Variants in SPTB observed in about 807,000 individuals in gnomAD.
SPTB encodes the protein spectrin beta chain, erythrocytic.
SPTB carries 45 observed loss-of-function variants against 256.2 expected under a neutral mutation model. The observed-to-expected ratio is 0.18, with a 90% CI of 0.14 to 0.23. SPTB has a LOEUF of 0.23. Ranked by LOEUF, SPTB falls within the 10% of genes least tolerant of loss-of-function variation. The probability of loss-of-function intolerance (pLI) is 1.00; values close to 1 mark genes in which losing one functional copy is unlikely to be tolerated. For missense variants in SPTB, 2,715 were observed against 3,040.4 expected (o/e 0.89, Z 2.52); for synonymous variants, 1,231 against 1,243.1 (o/e 0.99, Z 0.21).
intron 1 of SPTB, among the ~76,000 whole-genome samples, chr14:64,868,026 G>C (rs1284997757): frequency 6.6e-6 from 1 of 152,172 alleles, no homozygotes; most frequent in East Asian, 1.9e-4. Context: ...AATAAAGCTA[G>C]GAAGAGAGGT....
At chr14:64,753,879 C>G (rs2081986385) in intron 32 of SPTB, 86 bp from the exon 33 acceptor site, 1 of 1,538,672 alleles carries the variant, frequency 6.5e-7, no homozygotes, top group African/African-American at 1.4e-5. Context: ...AGGTCAGCAG[C>G]CACCCTCTCC....
rs2082898193 is a variant in SPTB, at chr14:64,802,120, C to T, written c.566+106G>A. ...CTTTGCATCAATTACAGGGAGGCAG[C>T]TGTAGTTCTGGGTGATGATGTCTAA... On this transcript the variant is annotated intron_variant, in intron 5 of 35. Coordinates refer to ENST00000644917, the MANE Select transcript of SPTB (RefSeq NM_001355436.2). This position sits in a 1 kb window ranked among gnomAD's most constrained non-coding sequence, Gnocchi z 5.1. 9.2e-7 allele frequency: 1 copy of T among 1,082,626 alleles called. No individual in the cohort carries two copies. The highest frequency in any genetic ancestry group is 1.9e-5 in the Admixed American group (1 of 52,804). 67.1% of individuals were successfully genotyped at this position (1,082,626 alleles called of 1,614,324 possible).
At position 64,758,246 on chromosome 14, in the gene SPTB, T is replaced by A. The variant is rs2082043674; in HGVS notation, c.6346-4453A>T. 6.6e-6 allele frequency among the ~76,000 whole-genome samples: 1 copy of A among 152,240 alleles called. No homozygotes were observed. Among genetic ancestry groups the A allele is most frequent in the African/African-American group, 2.4e-5 (1 of 41,528 alleles). On this transcript the variant is annotated intron_variant, in intron 32 of 35. Transcript: ENST00000644917. The surrounding 1 kb of genome is among the most constrained non-coding windows in gnomAD (Gnocchi z 4.6). ...CTCAAAAACCCTCTTGTTCCTGGAGTAGCAGATGCTCAGGACTGAGAAATG... is the reference window on the plus strand; with the variant it reads ...CTCAAAAACCCTCTTGTTCCTGGAGAAGCAGATGCTCAGGACTGAGAAATG...
intron 19 of SPTB, among the ~76,000 whole-genome samples, chr14:64,783,026 C>A (rs2082499137): frequency 6.6e-6 from 1 of 152,076 alleles, no homozygotes; most frequent in Non-Finnish European, 1.5e-5. Flanking sequence ...CCAGACCCAT[C>A]CAGGTACAGT....
Position 64,785,993 on chromosome 14 carries a change from A to G in SPTB, c.3562-42T>C, listed in dbSNP as rs1329724500. ...CCAGACAAGGCATGAAGACACACGGAGGAGGTGATGAGCACACCTCCCAAG... is the reference window on the plus strand; with the variant it reads ...CCAGACAAGGCATGAAGACACACGGGGGAGGTGATGAGCACACCTCCCAAG... On this transcript the variant is annotated intron_variant, in intron 16 of 35. Transcript: ENST00000644917. The surrounding 1 kb of genome is among the most constrained non-coding windows in gnomAD (Gnocchi z 4.4). 1.2e-6 allele frequency: 2 copies of G among 1,604,652 alleles called. No homozygotes were observed. The highest frequency in any genetic ancestry group is 4.5e-5 in the East Asian group (2 of 44,796).
At chr14:64,756,787 G>C (rs2082022566) in intron 32 of SPTB, 1 of 152,206 alleles carries the variant, frequency 6.6e-6, no homozygotes, top group African/African-American at 2.4e-5. Context: ...TCTTTATGGT[G>C]TTCATCTTTT....
At chr14:64,781,932 G>A (rs558774852) in intron 20 of SPTB, among the ~76,000 whole-genome samples, 1 of 152,334 alleles carries the variant, frequency 6.6e-6, no homozygotes, top group South Asian at 2.1e-4. Context: ...GATGGAGCTG[G>A]AGGCCATTAT....
Position 64,794,383 on chromosome 14 carries a change from G to A in SPTB, c.1795+84C>T, listed in dbSNP as rs146036530. The A allele has an allele frequency of 1.9e-3, 2,965 of 1,558,012 alleles. 60 individuals carry two copies. The African/African-American group carries it at 0.035, about 19-fold the overall frequency. On this transcript the variant is annotated intron_variant, in intron 13 of 35. Transcript: ENST00000644917. ...AACAGAACTTTAAAGTTGGTTCCAG[G>A]AGATTTATCCAAGTTGGGTTGTTAG...
chr14:64,830,149 ATCTG>A (rs1023798789), intron 1 of SPTB, among the ~76,000 whole-genome samples: 4 of 151,076 alleles, frequency 2.6e-5, no homozygotes, highest in African/African-American at 9.7e-5. Flanking sequence ...TTATTCATGT[ATCTG>A]TCTGTTTCCT....
rs975644567 is a variant in SPTB, at chr14:64,827,482, C to T, written c.-51-4337G>A. Among the ~76,000 whole-genome samples, 1 of 152,152 alleles carries T rather than the reference C, an allele frequency of 6.6e-6. No homozygotes were observed. The highest frequency in any genetic ancestry group is 2.4e-5 in the African/African-American group (1 of 41,416). ...AGTTTGTCCTGCCCCTTTATGCTAC[C>T]TCAAACCTGCTTTTAACAATTTGGT... On this transcript the variant is annotated intron_variant, in intron 1 of 35. Transcript: ENST00000644917. The surrounding 1 kb of genome is among the most constrained non-coding windows in gnomAD (Gnocchi z 4.6).
chr14:64,852,582 T>C lies in SPTB; in HGVS notation c.-52+27210A>G, dbSNP rs1436773089. Among the ~76,000 whole-genome samples the C allele has an allele frequency of 6.6e-6, 1 of 152,168 alleles. No individual in the cohort carries two copies. Among genetic ancestry groups the C allele is most frequent in the Non-Finnish European group, 1.5e-5 (1 of 68,024 alleles). On this transcript the variant is annotated intron_variant, in intron 1 of 35. Transcript: ENST00000644917. This position sits in a 1 kb window ranked among gnomAD's most constrained non-coding sequence, Gnocchi z 4.2. ...ACGGTGTGGGCAAGACTCAGGACTT[T>C]GGTAGCCAAGATGGTGGGGAGCAAT... is the stretch of plus-strand genomic sequence containing the variant.
At chr14:64,773,114 C>G (rs1240787007) in intron 25 of SPTB, 106 bp downstream of exon 25, 1 of 1,557,150 alleles carries the variant, frequency 6.4e-7, no homozygotes, top group African/African-American at 1.4e-5. Context: ...CCGCCTCACA[C>G]TGGGGAGGTT....
rs1485784536 is a variant in SPTB, at chr14:64,873,493, G to A, written c.-52+6299C>T. Among the ~76,000 whole-genome samples, 8 of 152,052 alleles carry A rather than the reference G, an allele frequency of 5.3e-5. No individual in the cohort carries two copies. On this transcript the variant is annotated intron_variant, in intron 1 of 35. Transcript: ENST00000644917. The surrounding 1 kb of genome is among the most constrained non-coding windows in gnomAD (Gnocchi z 4.3). ...GAAAAACCCAAAACATCAATTAACG[G>A]GCAGATGAACCCTTCATTTATCTAT...
intron 23 of SPTB, 70 bp from the exon 24 acceptor site, chr14:64,774,597 C>T: frequency 1.3e-6 from 2 of 1,548,954 alleles, no homozygotes; most frequent in South Asian, 2.4e-5. Flanking sequence ...AAGTTGTGCC[C>T]CCACTCCTGG....
Position 64,764,171 on chromosome 14 carries a change from G to C in SPTB, c.6345+2555C>G, listed in dbSNP as rs1208540079. On this transcript the variant is annotated intron_variant, in intron 32 of 35. Coordinates refer to ENST00000644917, the MANE Select transcript of SPTB (RefSeq NM_001355436.2). The surrounding 1 kb of genome is among the most constrained non-coding windows in gnomAD (Gnocchi z 4.2). Reference sequence around the variant, plus strand: ...AGCCATTGGCCATCCCTTCCTGGGAGAGGCCTGCGGTTCTGTGAAGGGGTA... The same window carrying C: ...AGCCATTGGCCATCCCTTCCTGGGACAGGCCTGCGGTTCTGTGAAGGGGTA... Among the ~76,000 whole-genome samples the C allele has an allele frequency of 1.3e-5, 2 of 152,214 alleles. No individual in the cohort carries two copies. The highest frequency in any genetic ancestry group is 2.4e-5 in the African/African-American group (1 of 41,440).
intron 1 of SPTB, among the ~76,000 whole-genome samples, chr14:64,868,316 TG>T (rs998636119): frequency 7.4e-6 from 1 of 135,240 alleles, no homozygotes; most frequent in African/African-American, 2.6e-5. Context: ...TGTGGAAGTA[TG>T]GGGGGGAAAA....
At chr14:64,776,137 C>T (rs1289031380) in intron 22 of SPTB, among the ~76,000 whole-genome samples, 2 of 152,162 alleles carry the variant, frequency 1.3e-5, no homozygotes, top group African/African-American at 2.4e-5. Flanking sequence ...GGCTCCTGAG[C>T]TCCATATACC....
At position 64,775,635 on chromosome 14, in the gene SPTB, C is replaced by T. The variant is rs1272550114; in HGVS notation, c.4564-232G>A. 6.6e-6 allele frequency among the ~76,000 whole-genome samples: 1 copy of T among 152,278 alleles called. No homozygotes were observed. The highest frequency in any genetic ancestry group is 1.5e-5 in the Non-Finnish European group (1 of 68,046). On this transcript the variant is annotated intron_variant, in intron 22 of 35. Transcript: ENST00000644917. The surrounding 1 kb of genome is among the most constrained non-coding windows in gnomAD (Gnocchi z 5.0). ...GCTGAGATAAGCATGTGGAGACCAG[C>T]ATGCAGCAGTGAAGTCACTCAGTGG...
At chr14:64,857,460 T>C (rs2139791234) in intron 1 of SPTB, among the ~76,000 whole-genome samples, 1 of 151,300 alleles carries the variant, frequency 6.6e-6, no homozygotes, top group South Asian at 2.1e-4. Context: ...TATGCATGTA[T>C]AGTCCCAGCT....
Sources: allele counts gnomAD v4.1 joint callset (sites outside exome capture counted in the v4.1 genomes callset), GRCh38; gene constraint gnomAD v4.1.1; non-coding constraint Gnocchi (gnomAD v3.1); transcripts MANE v1.5; gene names NCBI Gene and HGNC (gene_info 2026-07-23, HGNC 2026-07-21).